MAST2: variants seen among roughly 807,000 people sequenced by gnomAD.
MAST2 encodes the protein microtubule associated serine/threonine kinase 2.
MAST2 carries 70 observed loss-of-function variants against 147.4 expected under a neutral mutation model. The observed-to-expected ratio is 0.47, with a 90% CI of 0.39 to 0.58. MAST2 has a LOEUF of 0.58. Among genes scored for constraint, MAST2 ranks in the 20% least tolerant of loss-of-function variants. The pLI is 0.00. For synonymous variants in MAST2, 869 were observed against 896.8 expected (o/e 0.97, Z 0.55); for missense variants, 2,080 against 2,302.3 (o/e 0.90, Z 1.98).
Position 46,028,855 on chromosome 1 carries a change from A to G in MAST2, c.2140A>G (p.Ile714Val). 1 of 1,613,666 alleles carries G rather than the reference A, an allele frequency of 6.2e-7. No homozygotes were observed. Among genetic ancestry groups the G allele is most frequent in the South Asian group, 1.1e-5 (1 of 91,026 alleles). The change falls in exon 18 of 29, where the codon ATC becomes GTC. Residue 714 changes from isoleucine (I) to valine (V), a missense_variant. This residue lies in a region of MAST2 where 209 missense variants were observed against 309.5 expected (regional missense o/e 0.68). Transcript: ENST00000361297. ...KPVDWWAMGI[I>V]LYEFLVGCVP... ...AGTGGACTGGTGGGCCATGGGCATT[A>G]TCCTGTATGAGTTCCTGGTGGGCTG... is the stretch of plus-strand genomic sequence containing the variant.
intron 4 of MAST2, among the ~76,000 whole-genome samples, chr1:45,909,235 A>T (rs543484024): frequency 5.3e-5 from 8 of 152,308 alleles, no homozygotes; most frequent in Admixed American, 2.6e-4. Flanking sequence ...ATATTTACTT[A>T]AAAAAGTTAG....
chr1:45,805,896 A>G (rs1364562454), intron 1 of MAST2, among the ~76,000 whole-genome samples: 1 of 152,026 alleles, frequency 6.6e-6, no homozygotes, highest in African/African-American at 2.4e-5. Context: ...TTCCCCAACA[A>G]CCTTCTTGAA....
At chr1:45,881,034 A>G (rs1286045588) in intron 3 of MAST2, among the ~76,000 whole-genome samples, 3 of 152,088 alleles carry the variant, frequency 2.0e-5, no homozygotes, top group Admixed American at 6.6e-5. Context: ...ATAAGCACAT[A>G]TATTCATGAC....
Position 46,025,749 on chromosome 1 carries a change from A to G in MAST2, c.1853A>G (p.Glu618Gly). Residue 618 changes from glutamate to glycine, a missense_variant, in exon 16 of 29, where the codon GAA becomes GGA. By Grantham distance (98) the Glu-to-Gly change is moderately conservative. Coordinates refer to ENST00000361297, the MANE Select transcript of MAST2 (RefSeq NM_015112.3). ...GACATGGTGCGTCTATACTTTGCGG[A>G]AACTGTGCTGGCCCTGGAGTACTTA... ...PVDMVRLYFA[E>G]TVLALEYLHN... 6.2e-7 allele frequency: 1 copy of G among 1,614,232 alleles called. No individual in the cohort carries two copies. The highest frequency in any genetic ancestry group is 8.5e-7 in the Non-Finnish European group (1 of 1,180,046).
rs757271288 is a variant in MAST2, at chr1:46,008,408, T to G, written c.978+37T>G. On this transcript the variant is annotated intron_variant, in intron 9 of 28. Coordinates refer to ENST00000361297, the MANE Select transcript of MAST2 (RefSeq NM_015112.3). ...TTTAAAAGGAGAGTGGCAATACCCC[T>G]CCGGGTGGCTGCCTACAGCCAGCCC... The G allele has an allele frequency of 3.2e-5, 47 of 1,467,218 alleles. No individual in the cohort carries two copies. In the Admixed American group the frequency reaches 7.9e-4, roughly 25 times the overall value. The allele number at this position is 1,467,218 out of a possible 1,614,324, so 90.9% of individuals were successfully genotyped here.
chr1:45,941,547 C>T (rs1057497828), intron 4 of MAST2, among the ~76,000 whole-genome samples: 6 of 152,204 alleles, frequency 3.9e-5, no homozygotes, highest in Non-Finnish European at 7.3e-5. Context: ...CGTGAGCTAC[C>T]GTGCCTGGCC....
At position 46,028,750 on chromosome 1, in the gene MAST2, T is replaced by A; in HGVS notation, c.2053-18T>A. 6.2e-7 allele frequency: 1 copy of A among 1,613,906 alleles called. No individual in the cohort carries two copies. Among genetic ancestry groups the A allele is most frequent in the Non-Finnish European group, 8.5e-7 (1 of 1,179,938 alleles). On this transcript the variant is annotated intron_variant, in intron 17 of 28. Coordinates refer to ENST00000361297, the MANE Select transcript of MAST2 (RefSeq NM_015112.3). Reference sequence around the variant, plus strand: ...GCAGCCTCAGGAGGCTGAGCCAGCCTGGCTTTTCTGTGCCCAGGTATGCGG... The same window carrying A: ...GCAGCCTCAGGAGGCTGAGCCAGCCAGGCTTTTCTGTGCCCAGGTATGCGG...
chr1:45,885,178 A>G (rs1300460168), intron 4 of MAST2, among the ~76,000 whole-genome samples: 2 of 152,140 alleles, frequency 1.3e-5, no homozygotes, highest in South Asian at 2.1e-4. Context: ...TATAATTGTC[A>G]TTTAAGTCTT....
chr1:45,899,307 C>CTTTTTTTTTTT lies in MAST2; in HGVS notation c.500+16922_500+16932dup, dbSNP rs770069959. Among the ~76,000 whole-genome samples the CTTTTTTTTTTT allele has an allele frequency of 2.7e-3, 287 of 107,640 alleles. 12 individuals carry two copies. Among genetic ancestry groups the CTTTTTTTTTTT allele is most frequent in the Middle Eastern group, 0.013 (2 of 154 alleles). The allele number at this position is 107,640 out of a possible 152,430, so 70.6% of individuals were successfully genotyped here. On this transcript the variant is annotated intron_variant, in intron 4 of 28. Coordinates refer to ENST00000361297, the MANE Select transcript of MAST2 (RefSeq NM_015112.3). Reference sequence around the variant, plus strand: ...GCCAAAAATATTTTTCCTTTCTTTTCTTTTTTTTTTTTTTTTTTTTAGATT... The same window carrying CTTTTTTTTTTT: ...GCCAAAAATATTTTTCCTTTCTTTTCTTTTTTTTTTTTTTTTTTTTTTTTTTTTTTTAGATT...
chr1:45,914,086 G>A (rs1302973699), intron 4 of MAST2, among the ~76,000 whole-genome samples: 1 of 152,184 alleles, frequency 6.6e-6, no homozygotes, highest in Non-Finnish European at 1.5e-5. Context: ...TGAATTAGAT[G>A]TCATTTTAGG....
chr1:45,913,185 C>T (rs916647518), intron 4 of MAST2, among the ~76,000 whole-genome samples: 1 of 152,166 alleles, frequency 6.6e-6, no homozygotes, highest in Non-Finnish European at 1.5e-5. Flanking sequence ...TGGTCAGATT[C>T]GGCATTTGAA....
chr1:46,028,952 G>C lies in MAST2; in HGVS notation c.2218+19G>C. Reference sequence around the variant, plus strand: ...ATCAGTGGTAGGTACTATGCCCCTGGCCCAGTGGGGAAACAGAGTCTGAAT... The same window carrying C: ...ATCAGTGGTAGGTACTATGCCCCTGCCCCAGTGGGGAAACAGAGTCTGAAT... On this transcript the variant is annotated intron_variant, in intron 18 of 28. Transcript: ENST00000361297. The C allele has an allele frequency of 3.9e-6, 6 of 1,536,886 alleles. No individual in the cohort carries two copies. Among genetic ancestry groups the C allele is most frequent in the Non-Finnish European group, 4.4e-6 (5 of 1,145,178 alleles).
intron 3 of MAST2, among the ~76,000 whole-genome samples, chr1:45,844,383 A>T (rs1223921421): frequency 6.6e-6 from 1 of 152,048 alleles, no homozygotes; most frequent in Non-Finnish European, 1.5e-5. Flanking sequence ...CCCAGGTTCA[A>T]GTGATTCTCC....
rs758270301 is a variant in MAST2, at chr1:46,034,851, G to A, written c.4182G>A (p.Ala1394=). Residue 1394 remains alanine, a synonymous_variant, in exon 29 of 29, where the codon GCG becomes GCA. Coordinates refer to ENST00000361297, the MANE Select transcript of MAST2 (RefSeq NM_015112.3). ...LGRQLSRPKS[A]EPPRSPLLKR... ...GGCAACTCTCACGGCCCAAGAGTGCGGAGCCACCCCGTTCACCACTACTCA... is the reference window on the plus strand; with the variant it reads ...GGCAACTCTCACGGCCCAAGAGTGCAGAGCCACCCCGTTCACCACTACTCA... 42 of 1,614,076 alleles carry A rather than the reference G, an allele frequency of 2.6e-5. No homozygotes were observed. Among genetic ancestry groups the A allele is most frequent in the East Asian group, 1.8e-4 (8 of 44,890 alleles).
chr1:45,901,074 C>A (rs1035643155), intron 4 of MAST2, among the ~76,000 whole-genome samples: 2 of 152,050 alleles, frequency 1.3e-5, no homozygotes, highest in Non-Finnish European at 2.9e-5. Context: ...AATTATTTGC[C>A]TAGGCCAATG....
chr1:45,826,869 A>G (rs1644808262), intron 2 of MAST2, among the ~76,000 whole-genome samples: 1 of 151,784 alleles, frequency 6.6e-6, no homozygotes, highest in Non-Finnish European at 1.5e-5. Context: ...TTACTCTGTC[A>G]CCAGGCTGGA....
intron 3 of MAST2, among the ~76,000 whole-genome samples, chr1:45,835,114 A>G (rs1645066396): frequency 6.6e-6 from 1 of 152,030 alleles, no homozygotes; most frequent in African/African-American, 2.4e-5. Flanking sequence ...TTTGGAGGCA[A>G]ATTTTCCTTA....
chr1:45,934,553 G>T (rs1394476411), intron 4 of MAST2, among the ~76,000 whole-genome samples: 1 of 152,162 alleles, frequency 6.6e-6, no homozygotes, highest in Non-Finnish European at 1.5e-5. Flanking sequence ...AGCTTCCCAA[G>T]TAGCTGGGAT....
chr1:46,025,738 A>G lies in MAST2; in HGVS notation c.1842A>G (p.Leu614=). 1 of 1,614,196 alleles carries G rather than the reference A, an allele frequency of 6.2e-7. No homozygotes were observed. The highest frequency in any genetic ancestry group is 8.5e-7 in the Non-Finnish European group (1 of 1,180,024). ...IGALPVDMVR[L]YFAETVLALE... ...CCCTGCCTGTGGACATGGTGCGTCT[A>G]TACTTTGCGGAAACTGTGCTGGCCC... The change falls in exon 16 of 29, where the codon CTA becomes CTG. Residue 614 remains leucine (L), a synonymous_variant. Transcript: ENST00000361297.
Sources: allele counts gnomAD v4.1 joint callset (sites outside exome capture counted in the v4.1 genomes callset), GRCh38; gene constraint gnomAD v4.1.1; regional missense constraint gnomAD v4.1.1; transcripts MANE v1.5; gene names NCBI Gene and HGNC (gene_info 2026-07-23, HGNC 2026-07-21).